Variants in CCBE1 observed in about 807,000 individuals in gnomAD.
CCBE1 encodes collagen and calcium binding EGF domains 1.
Under a neutral mutation model 50.0 loss-of-function variants are expected in CCBE1, and 37 were observed. That is an observed-to-expected ratio of 0.74 (90% CI 0.57 to 0.97). The LOEUF is 0.97. CCBE1 is among the 50% of genes least tolerant of loss of function. The pLI is 0.00. For missense variants in CCBE1, 538 were observed against 523.8 expected, an observed-to-expected ratio of 1.03 and a Z score of -0.26; for synonymous variants, 234 against 203.7, an observed-to-expected ratio of 1.15 and a Z score of -1.27.
intron 2 of CCBE1, among the ~76,000 whole-genome samples, chr18:59,654,102 GT>G (rs1210213524): frequency 6.6e-6 from 1 of 152,220 alleles, no homozygotes; most frequent in Non-Finnish European, 1.5e-5. Flanking sequence ...GAAACATTCT[GT>G]TCTGTTTAAT....
At chr18:59,491,638 A>T (rs1174336123) in intron 2 of CCBE1, among the ~76,000 whole-genome samples, 2 of 151,944 alleles carry the variant, frequency 1.3e-5, no homozygotes, top group Non-Finnish European at 2.9e-5. Flanking sequence ...ACATGGCAAA[A>T]TCCCATCTCT....
chr18:59,654,468 A>G (rs376385982), intron 2 of CCBE1, among the ~76,000 whole-genome samples: 22 of 152,138 alleles, frequency 1.4e-4, no homozygotes, highest in African/African-American at 5.3e-4. Flanking sequence ...TACTAAAAAC[A>G]CAAATATTAG....
intron 9 of CCBE1, 40 bp downstream of exon 9, chr18:59,439,503 G>C (rs1312980014): frequency 1.2e-6 from 2 of 1,612,708 alleles, no homozygotes; most frequent in Admixed American, 3.3e-5. Context: ...AATCGAAAGT[G>C]AGAGACCTTT....
intron 2 of CCBE1, among the ~76,000 whole-genome samples, chr18:59,628,568 T>C (rs1005756458): frequency 2.6e-5 from 4 of 152,208 alleles, no homozygotes; most frequent in Admixed American, 2.0e-4. Flanking sequence ...CACCGCGATG[T>C]CCATGGCTTC....
intron 2 of CCBE1, among the ~76,000 whole-genome samples, chr18:59,491,298 G>T (rs892552766): frequency 5.9e-5 from 9 of 152,230 alleles, no homozygotes; most frequent in Middle Eastern, 3.4e-3. Flanking sequence ...AATTTTCTCT[G>T]CAAGTCTGCC....
intron 2 of CCBE1, among the ~76,000 whole-genome samples, chr18:59,569,890 C>CA (rs976321717): frequency 1.2e-4 from 18 of 152,304 alleles, no homozygotes; most frequent in African/African-American, 4.1e-4. Context: ...CTGGGCCTCC[C>CA]AAAACACTGG....
At chr18:59,499,301 C>T (rs1913504997) in intron 2 of CCBE1, among the ~76,000 whole-genome samples, 1 of 152,066 alleles carries the variant, frequency 6.6e-6, no homozygotes, top group South Asian at 2.1e-4. Context: ...GGGAGTGACA[C>T]TTTTGTGGTG....
At chr18:59,502,679 C>T (rs1913679387) in intron 2 of CCBE1, among the ~76,000 whole-genome samples, 1 of 151,768 alleles carries the variant, frequency 6.6e-6, no homozygotes, top group Admixed American at 6.6e-5. Context: ...GATCTAATTT[C>T]CTCCCCCTCC....
intron 2 of CCBE1, among the ~76,000 whole-genome samples, chr18:59,494,421 A>G (rs1400241254): frequency 6.6e-6 from 1 of 152,206 alleles, no homozygotes; most frequent in Non-Finnish European, 1.5e-5. Context: ...TCTGTAGGGC[A>G]TAAGAGGCTG....
rs556813935 is a variant in CCBE1 at position 59,431,364 on chromosome 18, C to G, written c.*4544G>C. 1 of 152,164 alleles carries G rather than the reference C, an allele frequency of 6.6e-6. No homozygotes were observed. Among genetic ancestry groups the G allele is most frequent in the African/African-American group, 2.4e-5 (1 of 41,398 alleles). 9.4% of individuals were successfully genotyped at this position (152,164 alleles called of 1,614,324 possible). ...ATTTCCCTGAACTCATTATTAATAACTTTAGATGGCTCTATTCTACTTGTT... is the reference window on the plus strand; with the variant it reads ...ATTTCCCTGAACTCATTATTAATAAGTTTAGATGGCTCTATTCTACTTGTT... On this transcript the variant is annotated 3_prime_UTR_variant, in exon 11 of 11. Coordinates refer to ENST00000439986, the MANE Select transcript of CCBE1 (RefSeq NM_133459.4).
intron 2 of CCBE1, among the ~76,000 whole-genome samples, chr18:59,502,865 A>AC (rs1913689844): frequency 6.6e-6 from 1 of 152,116 alleles, no homozygotes; most frequent in Admixed American, 6.6e-5. Flanking sequence ...GCCTGCTGCA[A>AC]CCCTTCTAGT....
intron 2 of CCBE1, among the ~76,000 whole-genome samples, chr18:59,659,032 C>A (rs2054246991): frequency 6.6e-6 from 1 of 151,898 alleles, no homozygotes; most frequent in South Asian, 2.1e-4. Context: ...CACATCCCGA[C>A]AAATAACATT....
At position 59,543,847 on chromosome 18, in the gene CCBE1, A is replaced by AAAAAAAAAAAG. The variant is rs1915575924; in HGVS notation, c.213-63610_213-63609insCTTTTTTTTTT. Among the ~76,000 whole-genome samples the AAAAAAAAAAAG allele has an allele frequency of 1.3e-4, 10 of 78,594 alleles. No homozygotes were observed. The East Asian group carries it at 3.4e-3, about 27-fold the overall frequency. The allele number at this position is 78,594 out of a possible 152,430, so 51.6% of individuals were successfully genotyped here. On this transcript the variant is annotated intron_variant, in intron 2 of 10. Coordinates refer to ENST00000439986, the MANE Select transcript of CCBE1 (RefSeq NM_133459.4). ...GAGACTCCGTCTCAAAAAAAAAAAA[A>AAAAAAAAAAAG]AAAAAAAAAAACAGAAAACACTAAT... is the stretch of plus-strand genomic sequence containing the variant.
At chr18:59,564,793 G>C (rs952688568) in intron 2 of CCBE1, among the ~76,000 whole-genome samples, 9 of 152,216 alleles carry the variant, frequency 5.9e-5, no homozygotes, top group African/African-American at 2.2e-4. Flanking sequence ...GAGAAAGGCT[G>C]ATCATTTGCT....
In CCBE1 at chr18:59,696,698, G is replaced by A; in HGVS notation, c.143C>T (p.Ser48Leu). 1 of 1,613,944 alleles carries A rather than the reference G, an allele frequency of 6.2e-7. No individual in the cohort carries two copies. Among genetic ancestry groups the A allele is most frequent in the East Asian group, 2.2e-5 (1 of 44,874 alleles). Reference protein sequence around the residue: ...EPEDGDREICSESKIATTKYP... With the variant: ...EPEDGDREICLESKIATTKYP... Reference sequence around the variant, plus strand: ...TTTAGTCGTCGCGATTTTGCTCTCTGAGCAGATTTCTCTATGAAAAAGTGC... The same window carrying A: ...TTTAGTCGTCGCGATTTTGCTCTCTAAGCAGATTTCTCTATGAAAAAGTGC... The change falls in exon 2 of 11, where the codon TCA (serine) becomes TTA (leucine). Residue 48 changes from serine (S) to leucine (L), a missense_variant. Coordinates refer to ENST00000439986, the MANE Select transcript of CCBE1 (RefSeq NM_133459.4).
chr18:59,545,989 A>G (rs1489980587), intron 2 of CCBE1, among the ~76,000 whole-genome samples: 1 of 152,208 alleles, frequency 6.6e-6, no homozygotes, highest in Non-Finnish European at 1.5e-5. Context: ...TATATAATGC[A>G]TTCTAGGGAG....
chr18:59,647,640 A>G, intron 2 of CCBE1, among the ~76,000 whole-genome samples: 1 of 152,190 alleles, frequency 6.6e-6, no homozygotes, highest in Non-Finnish European at 1.5e-5. Flanking sequence ...AAATGCACGC[A>G]TATTAGAACT....
In CCBE1 at chr18:59,697,413, C is replaced by T. The variant is rs994343564; in HGVS notation, c.-71G>A. ...CAAGCGTCCTGCTCCTCCGCGGCCG[C>T]CGCCGCCTTCCCTCTTCCCGGCAGG... On this transcript the variant is annotated 5_prime_UTR_variant, in exon 1 of 11. Coordinates refer to ENST00000439986, the MANE Select transcript of CCBE1 (RefSeq NM_133459.4). The T allele has an allele frequency of 2.0e-6, 3 of 1,506,012 alleles. No individual in the cohort carries two copies. Among genetic ancestry groups the T allele is most frequent in the African/African-American group, 1.4e-5 (1 of 71,654 alleles). The allele number at this position is 1,506,012 out of a possible 1,614,324, so 93.3% of individuals were successfully genotyped here. A position where few individuals can be genotyped will look rare whatever the true frequency, so the allele number is the denominator to read the frequency against.
chr18:59,627,975 G>A (rs1448165794), intron 2 of CCBE1, among the ~76,000 whole-genome samples: 1 of 152,322 alleles, frequency 6.6e-6, no homozygotes, highest in East Asian at 1.9e-4. Context: ...TACTTTGGGA[G>A]GCCAAGGTGG....
Sources: gnomAD v4.1 joint callset for allele counts (sites outside exome capture counted in the v4.1 genomes callset) on GRCh38, gnomAD v4.1.1 for gene constraint, MANE v1.5 for transcripts, NCBI Gene and HGNC (gene_info 2026-07-23, HGNC 2026-07-21) for gene names.